NPAS3: variants seen among roughly 807,000 people sequenced by gnomAD.
NPAS3 encodes the protein neuronal PAS domain-containing protein 3.
In NPAS3, 14 loss-of-function variants were observed where a neutral mutation model predicts 73.1. The ratio of observed to expected loss-of-function variants is 0.19; its 90% CI spans 0.13 to 0.30. The LOEUF (loss-of-function observed/expected upper bound fraction) is 0.30, where lower values mean the gene tolerates loss of function less well. Ranked by LOEUF, NPAS3 falls within the 10% of genes least tolerant of loss-of-function variation. NPAS3 has a pLI of 1.00. For synonymous variants in NPAS3, 620 were observed against 541.5 expected, an observed-to-expected ratio of 1.14 and a Z score of -2.01; for missense variants, 1,096 against 1,250.0, an observed-to-expected ratio of 0.88 and a Z score of 1.86.
At chr14:33,708,317 T>C (rs952707292) in intron 6 of NPAS3, among the ~76,000 whole-genome samples, 4 of 152,028 alleles carry the variant, frequency 2.6e-5, no homozygotes, top group African/African-American at 9.7e-5. Flanking sequence ...CCCAAAACCA[T>C]GGATAAAAGG....
chr14:33,451,819 A>T (rs1412605954), intron 4 of NPAS3, among the ~76,000 whole-genome samples: 1 of 152,150 alleles, frequency 6.6e-6, no homozygotes, highest in Non-Finnish European at 1.5e-5. Context: ...TAAGAAATAG[A>T]AGTTCTATAG....
chr14:33,296,960 CTTTA>C (rs1361615046), intron 3 of NPAS3, among the ~76,000 whole-genome samples: 2 of 152,196 alleles, frequency 1.3e-5, no homozygotes, highest in African/African-American at 2.4e-5. Context: ...CAGTGCTGGA[CTTTA>C]TTTAAGAATA....
intron 2 of NPAS3, among the ~76,000 whole-genome samples, chr14:33,142,589 T>C (rs2139185312): frequency 6.6e-6 from 1 of 152,372 alleles, no homozygotes; most frequent in East Asian, 1.9e-4. Flanking sequence ...TACTTCTCTT[T>C]TCTAAATTTT....
intron 1 of NPAS3, among the ~76,000 whole-genome samples, chr14:33,007,010 G>T (rs571995525): frequency 1.3e-5 from 2 of 151,540 alleles, no homozygotes; most frequent in Non-Finnish European, 3.0e-5. Flanking sequence ...GAGTAAGCTT[G>T]AATTATGACT....
intron 5 of NPAS3, among the ~76,000 whole-genome samples, chr14:33,583,028 C>A (rs1252734014): frequency 8.0e-6 from 1 of 125,764 alleles, no homozygotes; most frequent in Non-Finnish European, 1.6e-5. Context: ...CTGTAGTGAA[C>A]CCTAGGTAAG....
chr14:33,548,111 G>T (rs947664139), intron 4 of NPAS3, among the ~76,000 whole-genome samples: 6 of 152,224 alleles, frequency 3.9e-5, no homozygotes, highest in African/African-American at 1.4e-4. Context: ...TGCAATCGTT[G>T]TTGGGAATTC....
At chr14:33,789,641 T>C (rs947690412) in intron 9 of NPAS3, among the ~76,000 whole-genome samples, 10 of 126,354 alleles carry the variant, frequency 7.9e-5, no homozygotes, top group Admixed American at 3.8e-4. Flanking sequence ...CAGGCTGGAG[T>C]GCAGTGGCGG....
intron 3 of NPAS3, among the ~76,000 whole-genome samples, chr14:33,220,118 C>A (rs2139703633): frequency 6.6e-6 from 1 of 152,340 alleles, no homozygotes; most frequent in East Asian, 1.9e-4. Flanking sequence ...AGAACCCAGA[C>A]TGTACACCTT....
intron 1 of NPAS3, among the ~76,000 whole-genome samples, chr14:32,941,127 T>G (rs558663658): frequency 1.3e-5 from 2 of 152,110 alleles, no homozygotes; most frequent in Non-Finnish European, 2.9e-5. Flanking sequence ...ATTTTAAAAA[T>G]TATTTTTTAT....
intron 3 of NPAS3, among the ~76,000 whole-genome samples, chr14:33,222,430 C>T (rs965224025): frequency 1.3e-5 from 2 of 152,174 alleles, no homozygotes; most frequent in East Asian, 3.9e-4. Flanking sequence ...GACCCAACAC[C>T]TTCTATTGGG....
At chr14:33,120,721 G>A (rs2043204354) in intron 2 of NPAS3, among the ~76,000 whole-genome samples, 1 of 152,022 alleles carries the variant, frequency 6.6e-6, no homozygotes, top group African/African-American at 2.4e-5. Flanking sequence ...TCTGCATTTT[G>A]ACAAGATGCC....
chr14:33,753,930 C>G (rs1208984636), intron 7 of NPAS3, among the ~76,000 whole-genome samples: 2 of 152,108 alleles, frequency 1.3e-5, no homozygotes, highest in Non-Finnish European at 2.9e-5. Context: ...GCTTAAGGGA[C>G]CCTCAGCACA....
chr14:33,791,239 C>CA (rs1031419160), intron 9 of NPAS3, among the ~76,000 whole-genome samples: 1 of 152,212 alleles, frequency 6.6e-6, no homozygotes, highest in African/African-American at 2.4e-5. Flanking sequence ...CAAGGGCTAT[C>CA]ACGTGGCTCC....
chr14:33,759,738 C>T (rs906149966), intron 7 of NPAS3, among the ~76,000 whole-genome samples: 13 of 152,196 alleles, frequency 8.5e-5, no homozygotes, highest in African/African-American at 3.1e-4. Context: ...TGGCCTGCTA[C>T]TGGTTGTCTT....
chr14:33,306,865 G>T (rs991857807), intron 3 of NPAS3, among the ~76,000 whole-genome samples: 3 of 152,272 alleles, frequency 2.0e-5, no homozygotes, highest in African/African-American at 7.2e-5. Flanking sequence ...TGAGAGGGAA[G>T]GTTGGGAAGG....
intron 1 of NPAS3, among the ~76,000 whole-genome samples, chr14:33,047,923 C>T (rs1371491187): frequency 6.6e-6 from 1 of 152,112 alleles, no homozygotes; most frequent in Non-Finnish European, 1.5e-5. Context: ...GTATAGGATA[C>T]TCTTTTAATG....
chr14:32,938,485 TTGAGAG>T (rs2035784980), upstream of NPAS3, among the ~76,000 whole-genome samples: 1 of 21,748 alleles, frequency 4.6e-5, no homozygotes, highest in Non-Finnish European at 8.6e-5. Flanking sequence ...GAGAGAGAAA[TTGAGAG>T]AGAGAGAGAG....
chr14:33,637,230 T>A (rs757184887), intron 5 of NPAS3, among the ~76,000 whole-genome samples: 6 of 152,198 alleles, frequency 3.9e-5, no homozygotes, highest in Non-Finnish European at 8.8e-5. Context: ...CACAAATCTA[T>A]AATTAACTTT....
chr14:33,280,375 AAT>A (rs1455748067), intron 3 of NPAS3, among the ~76,000 whole-genome samples: 1 of 152,156 alleles, frequency 6.6e-6, no homozygotes, highest in African/African-American at 2.4e-5. Flanking sequence ...AGTGTTGTAA[AAT>A]GAAAGAAAGG....
Sources: gnomAD v4.1 joint callset for allele counts (sites outside exome capture counted in the v4.1 genomes callset) on GRCh38, gnomAD v4.1.1 for gene constraint, MANE v1.5 for transcripts, NCBI Gene and HGNC (gene_info 2026-07-23, HGNC 2026-07-21) for gene names.